CNTNAP2: variants seen among roughly 807,000 people sequenced by gnomAD.
CNTNAP2 encodes contactin-associated protein-like 2.
CNTNAP2 carries 98 observed loss-of-function variants against 155.2 expected under a neutral mutation model. The observed-to-expected ratio is 0.63, with a 90% CI of 0.54 to 0.75. The LOEUF (loss-of-function observed/expected upper bound fraction) is 0.75. Among genes scored for constraint, CNTNAP2 ranks in the 30% least tolerant of loss-of-function variants. CNTNAP2 has a pLI of 0.00. For synonymous variants in CNTNAP2, 651 were observed against 631.2 expected (o/e 1.03, Z -0.47); for missense variants, 1,727 against 1,688.1 (o/e 1.02, Z -0.40).
chr7:147,279,905 A>G (rs1011642096), intron 8 of CNTNAP2, among the ~76,000 whole-genome samples: 3 of 151,928 alleles, frequency 2.0e-5, no homozygotes, highest in African/African-American at 7.2e-5. Flanking sequence ...GGTGGTAGAC[A>G]GAGATCTGTC....
intron 1 of CNTNAP2, among the ~76,000 whole-genome samples, chr7:146,237,530 A>T (rs1273281998): frequency 6.6e-6 from 1 of 152,262 alleles, no homozygotes; most frequent in Non-Finnish European, 1.5e-5. Flanking sequence ...GACCATTCAC[A>T]TAAAAGAGAG....
In CNTNAP2 at chr7:147,664,526, T is replaced by G. The variant is rs146301485; in HGVS notation, c.2098+25220T>G. The stretch of plus-strand genomic sequence containing the variant: ...TTATCCTAGGAATTCAGTTCAGCCT[T>G]TTTTTCGCCTTCAAAATAAGCACAT... On this transcript the variant is annotated intron_variant, in intron 13 of 23. Coordinates refer to ENST00000361727, the MANE Select transcript of CNTNAP2 (RefSeq NM_014141.6). Among the ~76,000 whole-genome samples, 5 of 152,316 alleles carry G rather than the reference T, an allele frequency of 3.3e-5. No homozygotes were observed. In the East Asian group the frequency reaches 9.7e-4, roughly 29 times the overall value.
rs1403027871 is a variant in CNTNAP2 at position 146,910,360 on chromosome 7, C to T, written c.402+70456C>T. Among the ~76,000 whole-genome samples, 9 of 149,748 alleles carry T rather than the reference C, an allele frequency of 6.0e-5. No homozygotes were observed. In the East Asian group the frequency reaches 1.7e-3, roughly 29 times the overall value. ...CCGCATCGCCAAGTCAATCCTAAGC[C>T]AAAAGAACAAAGCTGGAGGCATCAC... is the stretch of plus-strand genomic sequence containing the variant. On this transcript the variant is annotated intron_variant, in intron 3 of 23. Coordinates refer to ENST00000361727, the MANE Select transcript of CNTNAP2 (RefSeq NM_014141.6).
intron 13 of CNTNAP2, among the ~76,000 whole-genome samples, chr7:147,752,233 T>C (rs1257964235): frequency 6.6e-6 from 1 of 152,236 alleles, no homozygotes. Flanking sequence ...AAGGGATACT[T>C]TCAGAATGTA....
intron 1 of CNTNAP2, among the ~76,000 whole-genome samples, chr7:146,671,558 T>C (rs1350633420): frequency 2.6e-5 from 4 of 152,118 alleles, no homozygotes; most frequent in African/African-American, 9.7e-5. Flanking sequence ...CAGAGAATGA[T>C]TTCTGTGGGT....
intron 1 of CNTNAP2, among the ~76,000 whole-genome samples, chr7:146,191,177 G>A (rs1404445986): frequency 6.6e-6 from 1 of 152,102 alleles, no homozygotes; most frequent in Non-Finnish European, 1.5e-5. Flanking sequence ...GTGTTGGCTG[G>A]TCTGAGTAAT....
rs141139617 is a variant in CNTNAP2, at chr7:146,832,844, C to T, written c.209-6867C>T. Among the ~76,000 whole-genome samples the T allele has an allele frequency of 2.7e-3, 410 of 151,914 alleles. 2 individuals are homozygous for T. Among genetic ancestry groups the T allele is most frequent in the African/African-American group, 7.7e-3 (318 of 41,480 alleles). On this transcript the variant is annotated intron_variant, in intron 2 of 23. Coordinates refer to ENST00000361727, the MANE Select transcript of CNTNAP2 (RefSeq NM_014141.6). ...CCTACTAGCTGGGATTACGGGCACCCGCCACCACGCCTGGCAAATTTTTGT... is the reference window on the plus strand; with the variant it reads ...CCTACTAGCTGGGATTACGGGCACCTGCCACCACGCCTGGCAAATTTTTGT...
intron 14 of CNTNAP2, among the ~76,000 whole-genome samples, chr7:147,972,453 G>T (rs1801350063): frequency 6.6e-6 from 1 of 152,074 alleles, no homozygotes; most frequent in Non-Finnish European, 1.5e-5. Flanking sequence ...TTAAGCTAAG[G>T]ATAAGATTAA....
chr7:147,238,284 A>C (rs962307782), intron 8 of CNTNAP2, among the ~76,000 whole-genome samples: 1 of 152,032 alleles, frequency 6.6e-6, no homozygotes, highest in African/African-American at 2.4e-5. Context: ...CAAAGTGCTG[A>C]GATTACAGGC....
In CNTNAP2 at chr7:147,786,784, A is replaced by C. The variant is rs146549372; in HGVS notation, c.2099-116781A>C. On this transcript the variant is annotated intron_variant, in intron 13 of 23. Coordinates refer to ENST00000361727, the MANE Select transcript of CNTNAP2 (RefSeq NM_014141.6). The stretch of plus-strand genomic sequence containing the variant: ...GGAGTTCAAGACCAGCCTGGGCCAC[A>C]CTGCAAGACCTCCATCTATACATAA... Among the ~76,000 whole-genome samples the C allele has an allele frequency of 1.7e-3, 261 of 152,298 alleles. 9 individuals carry two copies. In the East Asian group the frequency reaches 0.042, roughly 24 times the overall value.
At chr7:146,945,338 T>C (rs1797141534) in intron 3 of CNTNAP2, among the ~76,000 whole-genome samples, 1 of 152,218 alleles carries the variant, frequency 6.6e-6, no homozygotes, top group South Asian at 2.1e-4. Flanking sequence ...TTGATTTTTG[T>C]AACAGATTCT....
At chr7:148,127,846 T>A (rs989082070) in intron 16 of CNTNAP2, among the ~76,000 whole-genome samples, 4 of 152,186 alleles carry the variant, frequency 2.6e-5, no homozygotes, top group Non-Finnish European at 4.4e-5. Flanking sequence ...AAATCAGGTG[T>A]TAGCACCTGG....
intron 1 of CNTNAP2, among the ~76,000 whole-genome samples, chr7:146,472,864 T>G (rs989609860): frequency 3.3e-4 from 50 of 151,540 alleles, no homozygotes; most frequent in African/African-American, 1.2e-3. Flanking sequence ...AGAGCCTCTT[T>G]TAATATTATC....
intron 2 of CNTNAP2, among the ~76,000 whole-genome samples, chr7:146,778,355 A>G (rs1229470316): frequency 6.6e-6 from 1 of 152,242 alleles, no homozygotes; most frequent in Admixed American, 6.5e-5. Context: ...TCCATCTGCT[A>G]TAATCTTGAT....
chr7:146,437,830 G>GTGGA (rs1031146853), intron 1 of CNTNAP2, among the ~76,000 whole-genome samples: 2 of 151,112 alleles, frequency 1.3e-5, no homozygotes, highest in African/African-American at 2.5e-5. Flanking sequence ...CAAAAGTGAA[G>GTGGA]TGGATTTTGG....
intron 5 of CNTNAP2, among the ~76,000 whole-genome samples, chr7:147,118,689 TTACTG>T (rs1312967284): frequency 2.0e-5 from 3 of 152,162 alleles, no homozygotes; most frequent in Non-Finnish European, 4.4e-5. Context: ...GTATAGCATG[TTACTG>T]TACTGAATAC....
intron 11 of CNTNAP2, among the ~76,000 whole-genome samples, chr7:147,495,029 A>C (rs1459453307): frequency 6.6e-6 from 1 of 152,216 alleles, no homozygotes; most frequent in African/African-American, 2.4e-5. Flanking sequence ...TGAATACAAA[A>C]GCATAGACGA....
chr7:147,533,975 A>G (rs114529871), intron 11 of CNTNAP2, among the ~76,000 whole-genome samples: 1,566 of 152,290 alleles, frequency 0.01, 27 homozygotes, highest in African/African-American at 0.036. Context: ...TAATAATACC[A>G]CTATTCAGTT....
intron 17 of CNTNAP2, among the ~76,000 whole-genome samples, chr7:148,170,119 C>A (rs547786149): frequency 1.3e-5 from 2 of 152,282 alleles, no homozygotes; most frequent in South Asian, 2.1e-4. Flanking sequence ...ATCTGAGTAG[C>A]GTAACAGAAT....
Sources: allele counts gnomAD v4.1 joint callset (sites outside exome capture counted in the v4.1 genomes callset), GRCh38; gene constraint gnomAD v4.1.1; transcripts MANE v1.5; gene names NCBI Gene and HGNC (gene_info 2026-07-23, HGNC 2026-07-21).